Variants in PTPRK observed in about 807,000 individuals in gnomAD.
PTPRK encodes the protein protein tyrosine phosphatase receptor type K.
A neutral mutation model predicts 178.0 loss-of-function variants in PTPRK; 75 were observed. The observed-to-expected ratio is 0.42, with a 90% CI of 0.35 to 0.51. PTPRK has a LOEUF of 0.51. PTPRK is among the 20% of genes least tolerant of loss of function. The pLI is 0.02. For missense variants in PTPRK, 1,441 were observed against 1,797.8 expected (o/e 0.80, Z 3.59); for synonymous variants, 637 against 620.6 (o/e 1.03, Z -0.39).
intron 18 of PTPRK, among the ~76,000 whole-genome samples, chr6:127,992,970 G>A (rs1269671826): frequency 6.6e-6 from 1 of 151,700 alleles, no homozygotes. Context: ...TAACCTCATA[G>A]ATTTTGTTTG....
intron 2 of PTPRK, among the ~76,000 whole-genome samples, chr6:128,382,813 A>G (rs1838136722): frequency 6.6e-6 from 1 of 152,078 alleles, no homozygotes; most frequent in South Asian, 2.1e-4. Flanking sequence ...CTTGGGACCT[A>G]TAGGTGTCCA....
chr6:128,289,790 T>C (rs11965122), intron 3 of PTPRK, among the ~76,000 whole-genome samples: 20,248 of 152,122 alleles, frequency 0.13, 2,175 homozygotes, highest in African/African-American at 0.3. Context: ...TTAAACATGA[T>C]GCAAATTGTT....
intron 2 of PTPRK, among the ~76,000 whole-genome samples, chr6:128,343,228 C>T (rs1022261692): frequency 4.6e-5 from 7 of 151,912 alleles, no homozygotes; most frequent in African/African-American, 1.5e-4. Flanking sequence ...ATCAGCCGGG[C>T]GCAGTGGCTC....
Position 128,353,304 on chromosome 6 carries a change from C to T in PTPRK, c.224-30994G>A, listed in dbSNP as rs183574806. ...ACAGCCACTATGAAAAACAGCTTGACAGTATTTTATGAAACTAAACATGTA... is the reference window on the plus strand; with the variant it reads ...ACAGCCACTATGAAAAACAGCTTGATAGTATTTTATGAAACTAAACATGTA... On this transcript the variant is annotated intron_variant, in intron 2 of 29. Coordinates refer to ENST00000368226, the MANE Select transcript of PTPRK (RefSeq NM_002844.4). Among the ~76,000 whole-genome samples, 6 of 152,214 alleles carry T rather than the reference C, an allele frequency of 3.9e-5. No homozygotes were observed. In the East Asian group the frequency reaches 1.2e-3, roughly 29 times the overall value.
intron 6 of PTPRK, among the ~76,000 whole-genome samples, chr6:128,217,174 A>G (rs1809473704): frequency 6.6e-6 from 1 of 152,192 alleles, no homozygotes; most frequent in Admixed American, 6.5e-5. Flanking sequence ...GGACTTAACA[A>G]AGATGCATGT....
chr6:128,280,803 T>C (rs1583874578), intron 3 of PTPRK, among the ~76,000 whole-genome samples: 1 of 152,192 alleles, frequency 6.6e-6, no homozygotes, highest in Non-Finnish European at 1.5e-5. Context: ...ACACAGTATG[T>C]GAAACATATA....
At chr6:128,265,494 A>C (rs562501513) in intron 3 of PTPRK, among the ~76,000 whole-genome samples, 11 of 152,238 alleles carry the variant, frequency 7.2e-5, no homozygotes, top group African/African-American at 2.6e-4. Context: ...AGGTAGGGGC[A>C]ATATTACTGA....
At chr6:128,030,284 G>A (rs1198051334) in intron 13 of PTPRK, among the ~76,000 whole-genome samples, 4 of 152,052 alleles carry the variant, frequency 2.6e-5, no homozygotes, top group African/African-American at 9.7e-5. Flanking sequence ...ATCTGGCCAG[G>A]GCACCAAAGG....
intron 13 of PTPRK, among the ~76,000 whole-genome samples, chr6:128,047,039 T>C (rs1261917997): frequency 6.6e-6 from 1 of 152,128 alleles, no homozygotes; most frequent in Non-Finnish European, 1.5e-5. Flanking sequence ...ATGAAGAAAA[T>C]GCTTTTAAAA....
chr6:128,450,508 C>T (rs533266202), intron 1 of PTPRK, among the ~76,000 whole-genome samples: 5 of 152,288 alleles, frequency 3.3e-5, no homozygotes, highest in African/African-American at 1.2e-4. Flanking sequence ...CTGCCCCAAA[C>T]CACGGATACT....
At chr6:128,173,924 T>C (rs558330059) in intron 7 of PTPRK, among the ~76,000 whole-genome samples, 35 of 152,088 alleles carry the variant, frequency 2.3e-4, no homozygotes, top group African/African-American at 8.4e-4. Flanking sequence ...ATTCAAATAA[T>C]TCATTCTTTA....
chr6:128,018,806 G>A (rs936189202), intron 13 of PTPRK, among the ~76,000 whole-genome samples: 3 of 152,006 alleles, frequency 2.0e-5, no homozygotes, highest in Admixed American at 1.3e-4. Flanking sequence ...GCATTAGATG[G>A]AGGGAAGTCT....
intron 3 of PTPRK, among the ~76,000 whole-genome samples, chr6:128,307,118 T>G (rs1298703945): frequency 6.7e-6 from 1 of 150,106 alleles, no homozygotes; most frequent in Non-Finnish European, 1.5e-5. Flanking sequence ...CATGGAAATT[T>G]CTAGCAGGCA....
intron 3 of PTPRK, among the ~76,000 whole-genome samples, chr6:128,297,349 T>C (rs939374517): frequency 1.3e-5 from 2 of 152,168 alleles, no homozygotes; most frequent in African/African-American, 4.8e-5. Flanking sequence ...ACCCAGGAAT[T>C]GAACTCAGCT....
chr6:128,316,242 C>G (rs1242666848), intron 3 of PTPRK, among the ~76,000 whole-genome samples: 2 of 152,140 alleles, frequency 1.3e-5, no homozygotes, highest in Non-Finnish European at 2.9e-5. Context: ...AGAACATAAG[C>G]AAAGAACTGG....
intron 7 of PTPRK, among the ~76,000 whole-genome samples, chr6:128,183,474 T>C (rs971391711): frequency 6.6e-6 from 1 of 152,196 alleles, no homozygotes; most frequent in African/African-American, 2.4e-5. Context: ...AGAAGTTAAA[T>C]TTCCTATTAG....
At chr6:128,382,218 T>C (rs1838029479) in intron 2 of PTPRK, among the ~76,000 whole-genome samples, 1 of 149,946 alleles carries the variant, frequency 6.7e-6, no homozygotes, top group Admixed American at 6.7e-5. Flanking sequence ...ATAATGGTGC[T>C]AGTACCAAAA....
intron 2 of PTPRK, among the ~76,000 whole-genome samples, chr6:128,345,422 G>A (rs573425645): frequency 3.3e-5 from 5 of 152,246 alleles, no homozygotes; most frequent in Admixed American, 2.6e-4. Flanking sequence ...TAATTATTCT[G>A]AGTATGTTCA....
chr6:128,060,699 C>T lies in PTPRK; in HGVS notation c.2194+4059G>A, dbSNP rs559411995. On this transcript the variant is annotated intron_variant, in intron 13 of 29. Transcript: ENST00000368226. ...CATTTGAATAAAACTGATATAGACA[C>T]AGACTAGGATTAAATTTAATTTAAT... 2.5e-3 allele frequency among the ~76,000 whole-genome samples: 382 copies of T among 152,236 alleles called. 3 individuals are homozygous for T. The highest frequency in any genetic ancestry group is 2.2e-3 in the Non-Finnish European group (152 of 67,990).
Sources: allele counts gnomAD v4.1 joint callset (sites outside exome capture counted in the v4.1 genomes callset), GRCh38; gene constraint gnomAD v4.1.1; transcripts MANE v1.5; gene names NCBI Gene and HGNC (gene_info 2026-07-23, HGNC 2026-07-21).